CRISPLD2: variants seen among roughly 807,000 people sequenced by gnomAD.
CRISPLD2 encodes the protein cysteine-rich secretory protein LCCL domain-containing 2.
CRISPLD2 carries 47 observed loss-of-function variants against 71.1 expected under a neutral mutation model. The ratio of observed to expected loss-of-function variants is 0.66; its 90% CI spans 0.52 to 0.84. CRISPLD2 has a LOEUF of 0.84. Ranked by LOEUF, CRISPLD2 falls within the 40% of genes least tolerant of loss-of-function variation. The pLI is 0.00. For synonymous variants in CRISPLD2, 317 were observed against 250.1 expected (o/e 1.27, Z -2.52); for missense variants, 830 against 651.1 (o/e 1.27, Z -2.99).
chr16:84,888,090 G>T (rs1439157039), intron 13 of CRISPLD2, among the ~76,000 whole-genome samples: 1 of 152,210 alleles, frequency 6.6e-6, no homozygotes, highest in Non-Finnish European at 1.5e-5. Flanking sequence ...GAAGCCAGAA[G>T]TCCAATGTGG....
At chr16:84,905,221 C>G (rs1361609739) in intron 14 of CRISPLD2, among the ~76,000 whole-genome samples, 1 of 152,188 alleles carries the variant, frequency 6.6e-6, no homozygotes, top group African/African-American at 2.4e-5. Context: ...AAGCCACGAT[C>G]ATGCCACTGC....
At chr16:84,826,436 C>T (rs1004729028) in intron 1 of CRISPLD2, among the ~76,000 whole-genome samples, 4 of 152,222 alleles carry the variant, frequency 2.6e-5, no homozygotes, top group Admixed American at 1.3e-4. Flanking sequence ...TTTCATGCCC[C>T]TATGTGCCTG....
At chr16:84,843,606 G>C (rs1405862308) in intron 2 of CRISPLD2, among the ~76,000 whole-genome samples, 2 of 152,202 alleles carry the variant, frequency 1.3e-5, no homozygotes, top group Non-Finnish European at 2.9e-5. Context: ...TTTCTCATAG[G>C]GTTGTTTGGA....
Position 84,898,983 on chromosome 16 carries a change from C to G in CRISPLD2, c.1440-7605C>G, listed in dbSNP as rs2071730213. 2.0e-5 allele frequency among the ~76,000 whole-genome samples: 3 copies of G among 152,290 alleles called. No homozygotes were observed. In the South Asian group the frequency reaches 6.2e-4, roughly 32 times the overall value. ...TGAGTTGTGATTGCACCATTGCACT[C>G]CTGGACTCAAGCAATCCTCCCACCT... On this transcript the variant is annotated intron_variant, in intron 14 of 14. Transcript: ENST00000262424.
chr16:84,872,974 C>A lies in CRISPLD2; in HGVS notation c.982-18C>A. On this transcript the variant is annotated intron_variant, in intron 9 of 14. Coordinates refer to ENST00000262424, the MANE Select transcript of CRISPLD2 (RefSeq NM_031476.4). ...AGGTTGAGAATGTGCCTCTGGTCTT[C>A]TCTTCCCTTCCCGCCAGTCGTCTAG... 1 of 1,599,200 alleles carries A rather than the reference C, an allele frequency of 6.3e-7. No individual in the cohort carries two copies. The highest frequency in any genetic ancestry group is 8.5e-7 in the Non-Finnish European group (1 of 1,173,524).
At chr16:84,843,251 A>C (rs1301410608) in intron 2 of CRISPLD2, among the ~76,000 whole-genome samples, 1 of 152,190 alleles carries the variant, frequency 6.6e-6, no homozygotes, top group East Asian at 1.9e-4. Context: ...CCTGCCACTC[A>C]GCCCGGCACC....
At chr16:84,868,226 ACCTGCGGAGGC>A (rs1167638078) in intron 7 of CRISPLD2, among the ~76,000 whole-genome samples, 1 of 152,142 alleles carries the variant, frequency 6.6e-6, no homozygotes, top group Non-Finnish European at 1.5e-5. Flanking sequence ...TGACCAGGAA[ACCTGCGGAGGC>A]CCTTGTCTGT....
At chr16:84,866,506 G>C (rs1267899413) in intron 6 of CRISPLD2, among the ~76,000 whole-genome samples, 1 of 152,136 alleles carries the variant, frequency 6.6e-6, no homozygotes, top group Non-Finnish European at 1.5e-5. Flanking sequence ...AAAGTGCTGG[G>C]ATTACAGGCA....
chr16:84,838,240 G>A (rs1054905737), intron 1 of CRISPLD2, among the ~76,000 whole-genome samples, 182 bp from the exon 2 acceptor site: 1 of 152,158 alleles, frequency 6.6e-6, no homozygotes, highest in Non-Finnish European at 1.5e-5. Flanking sequence ...GGAAACCCTT[G>A]GCGTAAATCC....
At chr16:84,898,119 A>T (rs1698077032) in intron 14 of CRISPLD2, among the ~76,000 whole-genome samples, 2 of 152,154 alleles carry the variant, frequency 1.3e-5, no homozygotes, top group African/African-American at 4.8e-5. Context: ...TGTAATAAAC[A>T]ACACTAGAAA....
At chr16:84,849,295 C>G in intron 3 of CRISPLD2, 90 bp from the exon 4 acceptor site, 1 of 1,328,786 alleles carries the variant, frequency 7.5e-7, no homozygotes, top group Non-Finnish European at 1.0e-6. Context: ...TCCTCGGCCT[C>G]CCTCCCTCCT....
At chr16:84,868,309 C>G (rs1402967842) in intron 7 of CRISPLD2, among the ~76,000 whole-genome samples, 2 of 152,196 alleles carry the variant, frequency 1.3e-5, no homozygotes, top group Non-Finnish European at 2.9e-5. Context: ...TGTCCCTTTT[C>G]AAACTATAAC....
chr16:84,875,825 C>T (rs561924169), intron 11 of CRISPLD2, among the ~76,000 whole-genome samples: 1 of 151,774 alleles, frequency 6.6e-6, no homozygotes, highest in Admixed American at 6.6e-5. Context: ...CTGGGCCTCC[C>T]CAAGTGCTAG....
rs574190028 is a variant in CRISPLD2, at chr16:84,899,135, C to T, written c.1440-7453C>T. Among the ~76,000 whole-genome samples, 17 of 152,278 alleles carry T rather than the reference C, an allele frequency of 1.1e-4. No individual in the cohort carries two copies. The East Asian group carries it at 3.3e-3, about 29-fold the overall frequency. Reference sequence around the variant, plus strand: ...CAAACTCCTGGGTTCAAGCAATCGCCTACGTTAGCCTCCCAAAGTGCTGAG... The same window carrying T: ...CAAACTCCTGGGTTCAAGCAATCGCTTACGTTAGCCTCCCAAAGTGCTGAG... On this transcript the variant is annotated intron_variant, in intron 14 of 14. Coordinates refer to ENST00000262424, the MANE Select transcript of CRISPLD2 (RefSeq NM_031476.4).
chr16:84,863,927 A>T (rs1375785811), intron 6 of CRISPLD2, among the ~76,000 whole-genome samples: 1 of 147,402 alleles, frequency 6.8e-6, no homozygotes, highest in Admixed American at 6.9e-5. Context: ...ATTGCACTCC[A>T]GCCTGGGCAA....
At chr16:84,827,862 G>A (rs1006519989) in intron 1 of CRISPLD2, among the ~76,000 whole-genome samples, 4 of 151,998 alleles carry the variant, frequency 2.6e-5, no homozygotes, top group Admixed American at 1.3e-4. Context: ...CCGCCGCACC[G>A]GGCCTACAGT....
intron 7 of CRISPLD2, 60 bp from the exon 8 acceptor site, chr16:84,868,791 A>C (rs1486377472): frequency 2.3e-5 from 30 of 1,323,732 alleles, no homozygotes; most frequent in Non-Finnish European, 3.2e-5. Flanking sequence ...AGCATGGGGA[A>C]GGGTCTTCTC....
In CRISPLD2 at chr16:84,889,337, G is replaced by C; in HGVS notation, c.1413G>C (p.Ser471=). 6.2e-7 allele frequency: 1 copy of C among 1,613,664 alleles called. No homozygotes were observed. Among genetic ancestry groups the C allele is most frequent in the Admixed American group, 1.7e-5 (1 of 59,978 alleles). The part of the protein sequence containing the change: ...PVDKKKTYVG[S]LRNGVQSESL... ...ATAAAAAGAAGACCTACGTGGGCTCGCTCAGGAATGGAGTTCAGTCTGAAA... is the reference window on the plus strand; with the variant it reads ...ATAAAAAGAAGACCTACGTGGGCTCCCTCAGGAATGGAGTTCAGTCTGAAA... The change falls in exon 14 of 15, where the codon TCG becomes TCC. Residue 471 remains serine, a synonymous_variant. Coordinates refer to ENST00000262424, the MANE Select transcript of CRISPLD2 (RefSeq NM_031476.4).
At chr16:84,831,904 T>C (rs887817476) in intron 1 of CRISPLD2, among the ~76,000 whole-genome samples, 1 of 152,102 alleles carries the variant, frequency 6.6e-6, no homozygotes, top group Non-Finnish European at 1.5e-5. Flanking sequence ...CTGGCTAAGG[T>C]TTGTACTTTT....
Sources: allele counts gnomAD v4.1 joint callset (sites outside exome capture counted in the v4.1 genomes callset), GRCh38; gene constraint gnomAD v4.1.1; transcripts MANE v1.5; gene names NCBI Gene and HGNC (gene_info 2026-07-23, HGNC 2026-07-21).